PDE1C: variants seen among roughly 807,000 people sequenced by gnomAD.
The protein encoded by PDE1C is phosphodiesterase 1C.
In PDE1C, 62 loss-of-function variants were observed where a neutral mutation model predicts 93.1. That is an observed-to-expected ratio of 0.67 (90% confidence interval 0.54 to 0.82). PDE1C has a LOEUF of 0.82. PDE1C is among the 40% of genes least tolerant of loss of function. PDE1C has a pLI of 0.00. For synonymous variants in PDE1C, 325 were observed against 310.1 expected, an observed-to-expected ratio of 1.05 and a Z score of -0.50; for missense variants, 742 against 884.6, an observed-to-expected ratio of 0.84 and a Z score of 2.04.
downstream of PDE1C, among the ~76,000 whole-genome samples, chr7:31,746,206 T>G (rs1794003961): frequency 6.6e-6 from 1 of 152,096 alleles, no homozygotes; most frequent in Non-Finnish European, 1.5e-5. Flanking sequence ...TCTCTTGCAA[T>G]GGAGGGCTGT....
At chr7:32,052,464 C>A (rs1793522463) in intron 1 of PDE1C, 1 of 409,474 alleles carries the variant, frequency 2.4e-6, no homozygotes, top group Admixed American at 2.6e-5. Context: ...ACTCTGAAGA[C>A]CCTTAAAAGA....
chr7:32,245,247 C>T (rs1808840325), intron 1 of PDE1C, among the ~76,000 whole-genome samples: 1 of 152,152 alleles, frequency 6.6e-6, no homozygotes, highest in South Asian at 2.1e-4. Context: ...CCTAGCACTG[C>T]CATCCCATCA....
At chr7:31,877,663 A>G (rs1026898105) in intron 5 of PDE1C, among the ~76,000 whole-genome samples, 3 of 149,618 alleles carry the variant, frequency 2.0e-5, no homozygotes, top group East Asian at 3.9e-4. Flanking sequence ...CAGCCATAAC[A>G]TATTTGATCT....
chr7:31,994,345 A>G (rs115938551), intron 2 of PDE1C, among the ~76,000 whole-genome samples: 2,501 of 152,298 alleles, frequency 0.016, 71 homozygotes, highest in African/African-American at 0.057. Flanking sequence ...GCATTTCAAA[A>G]TAAAAAGTAC....
At chr7:31,674,272 C>T in the PDE1C span, among the ~76,000 whole-genome samples, 149 of 152,140 alleles carry the variant, frequency 9.8e-4, 2 homozygotes, top group South Asian at 0.019. Context: ...AAATAGTATG[C>T]TTTGATGGAA....
intron 15 of PDE1C, among the ~76,000 whole-genome samples, chr7:31,814,625 C>T (rs527997273): frequency 2.6e-5 from 4 of 151,034 alleles, no homozygotes; most frequent in Non-Finnish European, 4.4e-5. Context: ...ATAGCTAGAA[C>T]ACGGTTCTGA....
chr7:31,639,081 A>G, the PDE1C span, among the ~76,000 whole-genome samples: 2 of 151,994 alleles, frequency 1.3e-5, no homozygotes, highest in Non-Finnish European at 2.9e-5. Flanking sequence ...CCAGCCAGTA[A>G]TTTGATTTTC....
At chr7:32,299,723 C>G (rs745657081), upstream of PDE1C, among the ~76,000 whole-genome samples, 6 of 152,190 alleles carry the variant, frequency 3.9e-5, no homozygotes, top group Non-Finnish European at 7.3e-5. Context: ...AGCCATTGGC[C>G]TTTGCAGTGC....
chr7:31,700,903 C>A, the PDE1C span, among the ~76,000 whole-genome samples: 1 of 151,852 alleles, frequency 6.6e-6, no homozygotes, highest in Non-Finnish European at 1.5e-5. Flanking sequence ...CCTACTGCTC[C>A]AAAAAAAGAC....
chr7:31,620,977 C>T, the PDE1C span, among the ~76,000 whole-genome samples: 6 of 151,658 alleles, frequency 4.0e-5, no homozygotes, highest in East Asian at 2.0e-4. Flanking sequence ...CCTCAGGAGC[C>T]AATGCGATCA....
intron 2 of PDE1C, among the ~76,000 whole-genome samples, chr7:31,996,093 AC>A (rs1232135830): frequency 7.0e-6 from 1 of 142,930 alleles, no homozygotes; most frequent in Non-Finnish European, 1.6e-5. Context: ...ACACACACAC[AC>A]ACACACACAC....
chr7:31,631,742 G>T, the PDE1C span, among the ~76,000 whole-genome samples: 1 of 152,202 alleles, frequency 6.6e-6, no homozygotes, highest in African/African-American at 2.4e-5. Context: ...AAAACCTCAG[G>T]AGAGTGCTAA....
At chr7:31,642,985 C>G in the PDE1C span, 13 of 1,613,922 alleles carry the variant, frequency 8.1e-6, no homozygotes, top group Non-Finnish European at 1.0e-5. Flanking sequence ...GAAAGACAGC[C>G]ATCTGTGGCA....
the PDE1C span, among the ~76,000 whole-genome samples, chr7:31,669,612 C>T: frequency 2.0e-5 from 3 of 152,138 alleles, no homozygotes; most frequent in Non-Finnish European, 2.9e-5. Context: ...TTCATCAGTT[C>T]TAAATTTGGA....
chr7:31,844,122 A>C (rs1792249330), intron 9 of PDE1C, among the ~76,000 whole-genome samples: 1 of 151,916 alleles, frequency 6.6e-6, no homozygotes, highest in Non-Finnish European at 1.5e-5. Context: ...CACAATTTAA[A>C]TAAGTGAAGA....
the PDE1C span, among the ~76,000 whole-genome samples, chr7:31,622,434 G>T: frequency 6.6e-6 from 1 of 151,506 alleles, no homozygotes; most frequent in Admixed American, 6.6e-5. Flanking sequence ...AATCAAACTA[G>T]AACTCAGGAT....
rs529541513 is a variant in PDE1C, at chr7:32,198,883, A to G, written c.136+10606T>C. Among the ~76,000 whole-genome samples, 178 of 152,258 alleles carry G rather than the reference A, an allele frequency of 1.2e-3. 1 individual carries two copies. Among genetic ancestry groups the G allele is most frequent in the Non-Finnish European group, 1.5e-3 (105 of 68,016 alleles). On this transcript the variant is annotated intron_variant, in intron 2 of 18. Coordinates refer to the PDE1C transcript ENST00000396193. ...CTATAACCCAGCACTTTGGGAGGCC[A>G]AGGCAGGTGGATCACTTGAGGTCAG...
intron 16 of PDE1C, among the ~76,000 whole-genome samples, chr7:31,808,802 G>A (rs1787184178): frequency 6.6e-6 from 1 of 151,860 alleles, no homozygotes; most frequent in Admixed American, 6.6e-5. Flanking sequence ...AAAAGAAAGG[G>A]TATAGAAAAC....
At chr7:31,731,475 C>T in the PDE1C span, among the ~76,000 whole-genome samples, 1 of 152,110 alleles carries the variant, frequency 6.6e-6, no homozygotes, top group South Asian at 2.1e-4. Context: ...ACTGCAACCT[C>T]CGCCTCCCCG....
Sources: gnomAD v4.1 joint callset for allele counts (sites outside exome capture counted in the v4.1 genomes callset) on GRCh38, gnomAD v4.1.1 for gene constraint, MANE v1.5 for transcripts, NCBI Gene and HGNC (gene_info 2026-07-23, HGNC 2026-07-21) for gene names.